The following SLC9C2 variants were observed in gnomAD, a reference collection of about 807,000 sequenced individuals.
The protein encoded by SLC9C2 is solute carrier family 9 member C2 (putative).
A neutral mutation model predicts 140.2 loss-of-function variants in SLC9C2; 75 were observed. The ratio of observed to expected loss-of-function variants is 0.53; its 90% CI spans 0.44 to 0.65. SLC9C2 has a LOEUF of 0.65. Ranked by LOEUF, SLC9C2 falls within the 30% of genes least tolerant of loss-of-function variation. The pLI is 0.00. For missense variants in SLC9C2, 1,074 were observed against 1,331.8 expected, an observed-to-expected ratio of 0.81 and a Z score of 3.01; for synonymous variants, 375 against 420.9, an observed-to-expected ratio of 0.89 and a Z score of 1.34.
At chr1:173,503,713 A>G (rs1478689058) in intron 26 of SLC9C2, among the ~76,000 whole-genome samples, 1 of 152,146 alleles carries the variant, frequency 6.6e-6, no homozygotes, top group Admixed American at 6.5e-5. Flanking sequence ...TTTTCATGAA[A>G]ACTTCAAAAT....
intron 4 of SLC9C2, among the ~76,000 whole-genome samples, chr1:173,597,056 T>C (rs946361994): frequency 4.0e-5 from 6 of 151,706 alleles, no homozygotes; most frequent in Non-Finnish European, 7.4e-5. Context: ...AATAAAACAA[T>C]CTACTGAACA....
intron 21 of SLC9C2, among the ~76,000 whole-genome samples, chr1:173,522,034 T>C (rs1025234655): frequency 6.6e-6 from 1 of 151,848 alleles, no homozygotes; most frequent in Admixed American, 6.6e-5. Context: ...CCGTCTCTAC[T>C]AACAATACAC....
chr1:173,556,642 G>C (rs994688188), intron 10 of SLC9C2, among the ~76,000 whole-genome samples: 2 of 152,024 alleles, frequency 1.3e-5, no homozygotes, highest in Non-Finnish European at 2.9e-5. Context: ...ACCCGGGCCT[G>C]GTGGCTCACG....
At chr1:173,590,632 C>T (rs1378627561) in intron 4 of SLC9C2, among the ~76,000 whole-genome samples, 1 of 152,140 alleles carries the variant, frequency 6.6e-6, no homozygotes, top group Non-Finnish European at 1.5e-5. Flanking sequence ...ACTACTCTTG[C>T]ACTTTGGAGC....
rs1664951210 is a variant in SLC9C2 at position 173,573,231 on chromosome 1, G to A, written c.997C>T (p.His333Tyr). The change falls in exon 9 of 28, where the codon CAC becomes TAC. Residue 333 changes from histidine (H) to tyrosine (Y), a missense_variant. His to Tyr is a moderately conservative substitution (Grantham distance 83). Transcript: ENST00000367714. The part of the protein sequence containing the change: ...GCGELSHYEF[H>Y]TIPFIFILFT... ...AAAATGAATATGAAAGGTATAGTGT[G>A]AAATTCATAGTGGCTGAGTTCTCCA... 4 of 1,581,850 alleles carry A rather than the reference G, an allele frequency of 2.5e-6. No individual in the cohort carries two copies. Among genetic ancestry groups the A allele is most frequent in the Non-Finnish European group, 3.5e-6 (4 of 1,152,072 alleles).
intron 23 of SLC9C2, among the ~76,000 whole-genome samples, chr1:173,514,245 G>A (rs1196873202): frequency 6.6e-6 from 1 of 151,784 alleles, no homozygotes; most frequent in Non-Finnish European, 1.5e-5. Flanking sequence ...ATCTAATATT[G>A]ACAGTGGGGT....
intron 13 of SLC9C2, among the ~76,000 whole-genome samples, chr1:173,546,228 C>A (rs918561911): frequency 7.2e-5 from 11 of 152,104 alleles, no homozygotes; most frequent in African/African-American, 2.4e-4. Flanking sequence ...AAAATAATTT[C>A]TTAAGAAGAA....
chr1:173,597,859 G>A, intron 4 of SLC9C2, 45 bp downstream of exon 4: 1 of 1,518,754 alleles, frequency 6.6e-7, no homozygotes, highest in Non-Finnish European at 8.8e-7. Flanking sequence ...CTATCAACGT[G>A]CATAAGCAAG....
intron 4 of SLC9C2, among the ~76,000 whole-genome samples, chr1:173,593,603 C>A (rs1474420386): frequency 1.3e-5 from 2 of 152,110 alleles, no homozygotes; most frequent in African/African-American, 4.8e-5. Context: ...AAAAGCAAGA[C>A]CCAATGGTAT....
At chr1:173,581,793 C>T (rs933499491) in intron 7 of SLC9C2, 54 bp downstream of exon 7, 1 of 1,374,352 alleles carries the variant, frequency 7.3e-7, no homozygotes, top group African/African-American at 1.5e-5. Flanking sequence ...AAAAAATAAA[C>T]ATGTATAAAA....
intron 9 of SLC9C2, among the ~76,000 whole-genome samples, chr1:173,560,997 T>C (rs531788829): frequency 1.8e-4 from 27 of 152,254 alleles, no homozygotes; most frequent in African/African-American, 6.3e-4. Context: ...GGTTTCACCA[T>C]GTTGGCCAGG....
At chr1:173,503,178 A>G (rs1483933433) in intron 27 of SLC9C2, 88 bp downstream of exon 27, 1 of 1,063,450 alleles carries the variant, frequency 9.4e-7, no homozygotes, top group Admixed American at 2.3e-5. Context: ...ACCACCTACA[A>G]TTTGCTATTT....
chr1:173,532,097 G>A (rs1661619765), intron 17 of SLC9C2, among the ~76,000 whole-genome samples: 1 of 152,186 alleles, frequency 6.6e-6, no homozygotes, highest in Non-Finnish European at 1.5e-5. Flanking sequence ...TCACACCAAT[G>A]TAGAATAAAT....
At position 173,533,627 on chromosome 1, in the gene SLC9C2, C is replaced by T; in HGVS notation, c.2145G>A (p.Arg715=). 6.3e-7 allele frequency: 1 copy of T among 1,593,738 alleles called. No homozygotes were observed. The highest frequency in any genetic ancestry group is 8.5e-7 in the Non-Finnish European group (1 of 1,171,516). ...TVIMGYLRII[R]FLPLFKIIVP... Reference sequence around the variant, plus strand: ...ATCTTACCTTGAAGAGAGGAAGAAACCTAATTATTCTTAAATATCCCATTA... The same window carrying T: ...ATCTTACCTTGAAGAGAGGAAGAAATCTAATTATTCTTAAATATCCCATTA... Residue 715 remains arginine, a synonymous_variant, in exon 17 of 28, where the codon AGG becomes AGA. Transcript: ENST00000367714.
intron 9 of SLC9C2, among the ~76,000 whole-genome samples, chr1:173,572,244 A>T (rs570927267): frequency 1.3e-5 from 2 of 152,370 alleles, no homozygotes; most frequent in South Asian, 2.1e-4. Context: ...AGAGAGGCAG[A>T]GAAAAGATGA....
intron 13 of SLC9C2, among the ~76,000 whole-genome samples, chr1:173,541,433 A>C (rs1045947165): frequency 6.6e-6 from 1 of 152,184 alleles, no homozygotes; most frequent in Non-Finnish European, 1.5e-5. Context: ...CCCCACTGTC[A>C]ATATTAGACA....
At chr1:173,533,943 A>C in intron 16 of SLC9C2, 146 bp from the exon 17 acceptor site, 3 of 915,822 alleles carry the variant, frequency 3.3e-6, no homozygotes, top group Non-Finnish European at 4.5e-6. Flanking sequence ...GAATCCCCCC[A>C]AAAATTCTTT....
At chr1:173,561,402 T>C (rs1664095989) in intron 9 of SLC9C2, among the ~76,000 whole-genome samples, 1 of 152,166 alleles carries the variant, frequency 6.6e-6, no homozygotes, top group South Asian at 2.1e-4. Context: ...GAAAGACTAC[T>C]TATTTTTTAA....
At chr1:173,543,947 C>T (rs1039483616) in intron 13 of SLC9C2, among the ~76,000 whole-genome samples, 2 of 152,166 alleles carry the variant, frequency 1.3e-5, no homozygotes, top group African/African-American at 4.8e-5. Context: ...TAGGCATGGG[C>T]AAGGACTTCA....
Sources: allele counts gnomAD v4.1 joint callset (sites outside exome capture counted in the v4.1 genomes callset), GRCh38; gene constraint gnomAD v4.1.1; transcripts MANE v1.5; gene names NCBI Gene and HGNC (gene_info 2026-07-23, HGNC 2026-07-21).